Variants in TEX29 observed in about 807,000 individuals in gnomAD.
TEX29 encodes the protein testis expressed 29.
A neutral mutation model predicts 18.2 loss-of-function variants in TEX29; 26 were observed. The observed-to-expected ratio is 1.43, with a 90% CI of 1.04 to 1.98. The LOEUF is 1.98. Among genes scored for constraint, TEX29 ranks in the 30% most tolerant of loss-of-function variants. The pLI is 0.00. For missense variants in TEX29, 177 were observed against 194.2 expected (o/e 0.91, Z 0.53); for synonymous variants, 83 against 78.5 (o/e 1.06, Z -0.31).
chr13:111,333,149 T>C (rs1424800552), intron 3 of TEX29, among the ~76,000 whole-genome samples: 2 of 152,238 alleles, frequency 1.3e-5, no homozygotes, highest in Non-Finnish European at 2.9e-5. Flanking sequence ...TTATGCTGCT[T>C]TCAAGATTCT....
chr13:111,343,718 T>C (rs1450198651), intron 5 of TEX29, among the ~76,000 whole-genome samples: 1 of 152,168 alleles, frequency 6.6e-6, no homozygotes, highest in African/African-American at 2.4e-5. Context: ...GACTTGGCTT[T>C]ACAGGGACCA....
At chr13:111,326,737 G>A (rs942886970) in intron 2 of TEX29, among the ~76,000 whole-genome samples, 3 of 151,876 alleles carry the variant, frequency 2.0e-5, no homozygotes, top group Admixed American at 6.6e-5. Flanking sequence ...CGGGCAGTGC[G>A]ATCCTGGCGC....
At chr13:111,328,449 G>T (rs537252432) in intron 3 of TEX29, among the ~76,000 whole-genome samples, 156 bp downstream of exon 3, 4 of 152,314 alleles carry the variant, frequency 2.6e-5, no homozygotes, top group African/African-American at 9.6e-5. Flanking sequence ...TCTTAGTGGG[G>T]ACAGTAGACT....
At chr13:111,335,388 C>A (rs976989485) in intron 3 of TEX29, among the ~76,000 whole-genome samples, 1 of 152,230 alleles carries the variant, frequency 6.6e-6, no homozygotes, top group Non-Finnish European at 1.5e-5. Flanking sequence ...AACGGCCTCT[C>A]ATATGGCTTC....
intron 3 of TEX29, among the ~76,000 whole-genome samples, chr13:111,330,709 G>A (rs975115597): frequency 1.6e-4 from 24 of 152,242 alleles, no homozygotes; most frequent in African/African-American, 5.3e-4. Flanking sequence ...GAACCCTCAC[G>A]CCCATTAGCA....
chr13:111,321,004 G>GGGC, intron 2 of TEX29, 56 bp downstream of exon 2: 3 of 545,388 alleles, frequency 5.5e-6, no homozygotes, highest in Middle Eastern at 4.9e-4. Context: ...TTGGGGGGGG[G>GGGC]CACAGGGAGG....
At chr13:111,343,460 G>T (rs2093700047) in intron 5 of TEX29, among the ~76,000 whole-genome samples, 2 of 151,866 alleles carry the variant, frequency 1.3e-5, no homozygotes, top group South Asian at 4.2e-4. Context: ...TCTTTGTGGT[G>T]CCCTGGCCAC....
chr13:111,328,289 T>G lies in TEX29; in HGVS notation c.165T>G (p.Val55=), dbSNP rs1595687511. The change falls in exon 3 of 6, where the codon GTT becomes GTG. Residue 55 remains valine, a synonymous_variant. Transcript: ENST00000283547. ...AAGGCGTCTGCTACAAGAAAGCGGTTCCCAGTGAGTAGACGCCCCGGCCAC... is the reference window on the plus strand; with the variant it reads ...AAGGCGTCTGCTACAAGAAAGCGGTGCCCAGTGAGTAGACGCCCCGGCCAC... ...FYEGVCYKKA[V]PIYIHVFSAL... The G allele has an allele frequency of 1.2e-6, 2 of 1,612,622 alleles. No individual in the cohort carries two copies. Among genetic ancestry groups the G allele is most frequent in the Middle Eastern group, 1.8e-4 (1 of 5,482 alleles).
At chr13:111,339,718 C>T (rs2153642080) in intron 3 of TEX29, 145 bp from the exon 4 acceptor site, 3 of 713,818 alleles carry the variant, frequency 4.2e-6, no homozygotes, top group Non-Finnish European at 7.3e-6. Context: ...CCAGGAGACG[C>T]TGGGGAGGGT....
At chr13:111,323,625 C>T (rs936694399) in intron 2 of TEX29, among the ~76,000 whole-genome samples, 17 of 152,280 alleles carry the variant, frequency 1.1e-4, no homozygotes, top group Admixed American at 5.9e-4. Flanking sequence ...TCTCTGTGTC[C>T]GAATCCCCGG....
upstream of TEX29, among the ~76,000 whole-genome samples, chr13:111,318,176 C>T (rs1370209369): frequency 6.6e-6 from 1 of 152,186 alleles, no homozygotes; most frequent in Admixed American, 6.5e-5. Context: ...GGTCTGAGTG[C>T]TTTGCTCAAG....
At position 111,339,927 on chromosome 13, in the gene TEX29, C is replaced by G; in HGVS notation, c.234C>G (p.Ile78Met). The G allele has an allele frequency of 6.2e-6, 10 of 1,610,986 alleles. No homozygotes were observed. The highest frequency in any genetic ancestry group is 8.5e-6 in the Non-Finnish European group (10 of 1,178,150). The change falls in exon 4 of 6, where the codon ATC (isoleucine) becomes ATG (methionine). Residue 78 changes from isoleucine to methionine, a missense_variant. Physicochemically the swap from Ile to Met is conservative, Grantham distance 10. Coordinates refer to ENST00000283547, the MANE Select transcript of TEX29 (RefSeq NM_152324.3). Reference protein sequence around the residue: ...IIAGAFVITIIYRVIQESRKE... With the variant: ...IIAGAFVITIMYRVIQESRKE... Reference sequence around the variant, plus strand: ...CTGGGGCCTTCGTCATCACCATCATCTACAGGTCGGTCCCTTTGTTCTTTA... The same window carrying G: ...CTGGGGCCTTCGTCATCACCATCATGTACAGGTCGGTCCCTTTGTTCTTTA...
chr13:111,331,675 G>T (rs932148300), intron 3 of TEX29, among the ~76,000 whole-genome samples: 2 of 152,064 alleles, frequency 1.3e-5, no homozygotes, highest in East Asian at 3.8e-4. Flanking sequence ...TCTTCTAAGA[G>T]TTTTATACTT....
At chr13:111,333,308 G>C (rs979375953) in intron 3 of TEX29, among the ~76,000 whole-genome samples, 2 of 152,042 alleles carry the variant, frequency 1.3e-5, no homozygotes, top group Non-Finnish European at 2.9e-5. Flanking sequence ...TATTCTTTCT[G>C]TTATCTTTCT....
At chr13:111,343,944 G>T (rs1229122591) in intron 5 of TEX29, 139 bp from the exon 6 acceptor site, 1 of 711,504 alleles carries the variant, frequency 1.4e-6, no homozygotes, top group East Asian at 2.5e-5. Flanking sequence ...GGAGGATACG[G>T]CCATCCCCAA....
intron 2 of TEX29, among the ~76,000 whole-genome samples, chr13:111,326,383 G>A (rs1051953451): frequency 2.7e-5 from 4 of 149,222 alleles, no homozygotes; most frequent in Non-Finnish European, 4.4e-5. Context: ...AGGAGACCGC[G>A]GGCAGCGTGA....
intron 3 of TEX29, among the ~76,000 whole-genome samples, chr13:111,336,409 C>T (rs988133768): frequency 2.0e-5 from 3 of 152,168 alleles, no homozygotes; most frequent in Non-Finnish European, 4.4e-5. Flanking sequence ...CACATAATTC[C>T]ATGTTATGAA....
At chr13:111,343,549 G>T (rs1033046452) in intron 5 of TEX29, among the ~76,000 whole-genome samples, 2 of 152,202 alleles carry the variant, frequency 1.3e-5, no homozygotes, top group African/African-American at 4.8e-5. Context: ...CTCATATGTT[G>T]GTTTACCTGC....
chr13:111,321,761 A>G (rs1595683471), intron 2 of TEX29, among the ~76,000 whole-genome samples: 1 of 152,076 alleles, frequency 6.6e-6, no homozygotes. Context: ...CATCTCTACT[A>G]AAAATACAAA....
Sources: allele counts gnomAD v4.1 joint callset (sites outside exome capture counted in the v4.1 genomes callset), GRCh38; gene constraint gnomAD v4.1.1; transcripts MANE v1.5; gene names NCBI Gene and HGNC (gene_info 2026-07-23, HGNC 2026-07-21).